PCSK5: variants seen among roughly 807,000 people sequenced by gnomAD.
The protein encoded by PCSK5 is prohormone convertase 5.
PCSK5 carries 129 observed loss-of-function variants against 233.2 expected under a neutral mutation model. The ratio of observed to expected loss-of-function variants is 0.55; its 90% CI spans 0.48 to 0.64. PCSK5 has a LOEUF of 0.64. Among genes scored for constraint, PCSK5 ranks in the 30% least tolerant of loss-of-function variants. The pLI is 0.00. For synonymous variants in PCSK5, 825 were observed against 879.2 expected, an observed-to-expected ratio of 0.94 and a Z score of 1.09; for missense variants, 2,076 against 2,430.1, an observed-to-expected ratio of 0.85 and a Z score of 3.06.
Position 76,181,462 on chromosome 9 carries a change from G to GC in PCSK5, c.2073dup (p.Asn692GlnfsTer3). 6.2e-7 allele frequency: 1 copy of GC among 1,614,046 alleles called. No homozygotes were observed. Among genetic ancestry groups the GC allele is most frequent in the Non-Finnish European group, 8.5e-7 (1 of 1,179,966 alleles). ...CGACAAGAAGCGCTGCAGGAAGTGT[G>GC]CCCCCAACTGTGAGTCCTGCTTTGG... is the stretch of plus-strand genomic sequence containing the variant. On this transcript the variant is annotated frameshift_variant, in exon 16 of 38. Transcript: ENST00000674117. LOFTEE classifies it high-confidence loss of function.
chr9:75,904,354 A>G (rs1826174816), intron 1 of PCSK5, among the ~76,000 whole-genome samples: 1 of 152,200 alleles, frequency 6.6e-6, no homozygotes, highest in South Asian at 2.1e-4. Flanking sequence ...TGAAAGGACA[A>G]CCCACAGAAT....
chr9:75,912,889 C>T (rs2131235394), intron 1 of PCSK5, among the ~76,000 whole-genome samples: 1 of 152,288 alleles, frequency 6.6e-6, no homozygotes, highest in Non-Finnish European at 1.5e-5. Context: ...TGGACACCTC[C>T]CCATCCCACT....
At chr9:76,107,501 T>TA (rs937943179) in intron 9 of PCSK5, 150 bp downstream of exon 9, 24 of 493,468 alleles carry the variant, frequency 4.9e-5, no homozygotes, top group South Asian at 8.7e-5. Context: ...TTGGGCTTTT[T>TA]AAAAAAAATT....
At chr9:76,190,956 C>T (rs1008218548) in intron 20 of PCSK5, among the ~76,000 whole-genome samples, 1 of 152,182 alleles carries the variant, frequency 6.6e-6, no homozygotes, top group African/African-American at 2.4e-5. Context: ...TTCTCCCTAA[C>T]AATTTAGCTA....
intron 9 of PCSK5, among the ~76,000 whole-genome samples, chr9:76,116,868 A>G (rs1005442693): frequency 6.6e-5 from 10 of 152,246 alleles, no homozygotes; most frequent in African/African-American, 2.2e-4. Flanking sequence ...GTTAATTACA[A>G]ATGGGCACTA....
intron 24 of PCSK5, among the ~76,000 whole-genome samples, chr9:76,276,595 AC>A (rs1293205715): frequency 6.6e-6 from 1 of 152,120 alleles, no homozygotes; most frequent in East Asian, 1.9e-4. Flanking sequence ...TGTCTGGAAC[AC>A]CTGCCCTCAG....
chr9:76,154,191 G>A (rs961264358), intron 10 of PCSK5, among the ~76,000 whole-genome samples: 2 of 151,868 alleles, frequency 1.3e-5, no homozygotes, highest in Admixed American at 1.3e-4. Flanking sequence ...AGTTTTTTTC[G>A]GTTGACCAGT....
chr9:76,116,558 G>A (rs1832433266), intron 9 of PCSK5, among the ~76,000 whole-genome samples: 2 of 152,004 alleles, frequency 1.3e-5, no homozygotes, highest in Admixed American at 1.3e-4. Context: ...CTTGAGTGTG[G>A]AGATGCTGCA....
At chr9:76,353,840 C>A (rs189689944) in intron 36 of PCSK5, among the ~76,000 whole-genome samples, 193 bp from the exon 37 acceptor site, 6 of 152,200 alleles carry the variant, frequency 3.9e-5, no homozygotes, top group Non-Finnish European at 8.8e-5. Flanking sequence ...AGGGCCCAGC[C>A]GTGATTCCAC....
intron 21 of PCSK5, among the ~76,000 whole-genome samples, chr9:76,229,744 A>C (rs1379701474): frequency 6.6e-6 from 1 of 152,238 alleles, no homozygotes; most frequent in Non-Finnish European, 1.5e-5. Context: ...CTTTCATTAC[A>C]GTTCATGTCA....
At chr9:75,960,189 G>C (rs1010972606) in intron 2 of PCSK5, among the ~76,000 whole-genome samples, 1 of 151,730 alleles carries the variant, frequency 6.6e-6, no homozygotes, top group South Asian at 2.1e-4. Flanking sequence ...GTGAAATAAA[G>C]ATAAAACAGA....
rs550421355 is a variant in PCSK5, at chr9:75,896,943, T to C, written c.192+5570T>C. 1.1e-4 allele frequency among the ~76,000 whole-genome samples: 16 copies of C among 152,242 alleles called. No homozygotes were observed. In the East Asian group the frequency reaches 1.5e-3, roughly 15 times the overall value. ...AATCAATACCAATAAACTCTCCAAT[T>C]TGAGTTCATCCTGAGAGTAAAATTA... On this transcript the variant is annotated intron_variant, in intron 1 of 37. Coordinates refer to ENST00000674117, the MANE Select transcript of PCSK5 (RefSeq NM_001372043.1).
intron 30 of PCSK5, among the ~76,000 whole-genome samples, chr9:76,311,446 C>A (rs2055163): frequency 0.58 from 88,562 of 151,872 alleles, 27,581 homozygotes; most frequent in African/African-American, 0.8. Flanking sequence ...CTGTGATGTG[C>A]ACCTCTTCTA....
At chr9:76,128,362 C>T (rs1457177232) in intron 9 of PCSK5, among the ~76,000 whole-genome samples, 1 of 152,154 alleles carries the variant, frequency 6.6e-6, no homozygotes, top group Non-Finnish European at 1.5e-5. Context: ...ACAGGGAGAC[C>T]TGGTGGAAAG....
At chr9:76,357,352 A>G (rs745747404) in intron 37 of PCSK5, among the ~76,000 whole-genome samples, 3 of 152,094 alleles carry the variant, frequency 2.0e-5, no homozygotes, top group Non-Finnish European at 2.9e-5. Flanking sequence ...CCCCATCTCT[A>G]CTAAAAATAC....
At chr9:76,064,860 T>A (rs926567760) in intron 5 of PCSK5, among the ~76,000 whole-genome samples, 1 of 152,196 alleles carries the variant, frequency 6.6e-6, no homozygotes, top group South Asian at 2.1e-4. Flanking sequence ...GATCTCTTTT[T>A]TATTTTTGTA....
At chr9:75,913,774 AATAAGTTACAGATTTTG>A (rs1822859499) in intron 1 of PCSK5, among the ~76,000 whole-genome samples, 1 of 152,224 alleles carries the variant, frequency 6.6e-6, no homozygotes, top group South Asian at 2.1e-4. Flanking sequence ...TAAATACTGA[AATAAGTTACAGATTTTG>A]GCATTCCTTT....
intron 7 of PCSK5, among the ~76,000 whole-genome samples, chr9:76,088,185 C>G (rs1218259564): frequency 6.6e-6 from 1 of 152,158 alleles, no homozygotes; most frequent in Non-Finnish European, 1.5e-5. Flanking sequence ...AGATTGAGAC[C>G]AGTAGCAGGG....
intron 2 of PCSK5, among the ~76,000 whole-genome samples, chr9:75,960,652 C>CA (rs568771467): frequency 2.0e-4 from 31 of 152,286 alleles, no homozygotes; most frequent in African/African-American, 6.7e-4. Context: ...ATTTATTATT[C>CA]CCTAAATTTA....
Sources: gnomAD v4.1 joint callset for allele counts (sites outside exome capture counted in the v4.1 genomes callset) on GRCh38, gnomAD v4.1.1 for gene constraint, MANE v1.5 for transcripts, NCBI Gene and HGNC (gene_info 2026-07-23, HGNC 2026-07-21) for gene names.